DYNC2H1: variants seen among roughly 807,000 people sequenced by gnomAD.
The protein encoded by DYNC2H1 is cytoplasmic dynein 2 heavy chain 1.
Under a neutral mutation model 570.0 loss-of-function variants are expected in DYNC2H1, and 410 were observed. The ratio of observed to expected loss-of-function variants is 0.72; its 90% confidence interval spans 0.66 to 0.78. DYNC2H1 has a LOEUF of 0.78. Among genes scored for constraint, DYNC2H1 ranks in the 30% least tolerant of loss-of-function variants. DYNC2H1 has a pLI of 0.00. For synonymous variants in DYNC2H1, 1,688 were observed against 1,677.6 expected, an observed-to-expected ratio of 1.01 and a Z score of -0.15; for missense variants, 4,865 against 5,046.4, an observed-to-expected ratio of 0.96 and a Z score of 1.09.
At chr11:103,113,898 A>G (rs1858241135) in intron 2 of DYNC2H1, among the ~76,000 whole-genome samples, 191 bp downstream of exon 2, 1 of 152,242 alleles carries the variant, frequency 6.6e-6, no homozygotes, top group Admixed American at 6.5e-5. Flanking sequence ...GGAGAAAGGT[A>G]TAAAATGCAA....
chr11:103,313,172 T>C (rs936580120), intron 79 of DYNC2H1, among the ~76,000 whole-genome samples: 2 of 152,114 alleles, frequency 1.3e-5, no homozygotes, highest in African/African-American at 4.8e-5. Context: ...TGCCTTACCA[T>C]AGTCCAGAAG....
At chr11:103,152,031 A>G (rs1860573420) in intron 20 of DYNC2H1, 105 bp from the exon 21 acceptor site, 1 of 1,241,434 alleles carries the variant, frequency 8.1e-7, no homozygotes, top group African/African-American at 1.5e-5. Flanking sequence ...AAAAATCTTA[A>G]TTTAAAAAAT....
At chr11:103,345,174 G>A (rs968869834) in intron 82 of DYNC2H1, among the ~76,000 whole-genome samples, 2 of 151,900 alleles carry the variant, frequency 1.3e-5, no homozygotes, top group Admixed American at 6.6e-5. Context: ...ATTGTGGTTG[G>A]TTTGGCTGTT....
intron 85 of DYNC2H1, among the ~76,000 whole-genome samples, chr11:103,454,476 A>G (rs11225811): frequency 0.24 from 36,396 of 151,818 alleles, 4,531 homozygotes; most frequent in Admixed American, 0.33. Flanking sequence ...TTTGACCTTG[A>G]GCAAGACCCT....
chr11:103,199,616 A>G lies in DYNC2H1; in HGVS notation c.8088+140A>G, dbSNP rs1321766140. ...AAGAACTAAAGTTCTCTGTTATACA[A>G]TGTAGTCTTTATTTTAATTTAGATT... On this transcript the variant is annotated intron_variant, in intron 49 of 88. Transcript: ENST00000375735. This position sits in a 1 kb window ranked among gnomAD's most constrained non-coding sequence, Gnocchi z 4.6. 6.6e-6 allele frequency: 5 copies of G among 754,306 alleles called. No individual in the cohort carries two copies. The highest frequency in any genetic ancestry group is 9.5e-6 in the Non-Finnish European group (5 of 528,756). The allele number at this position is 754,306 out of a possible 1,614,324, so 46.7% of individuals were successfully genotyped here.
At position 103,259,929 on chromosome 11, in the gene DYNC2H1, C is replaced by T. The variant is rs201758605; in HGVS notation, c.10647C>T (p.Ser3549=). The part of the protein sequence containing the change: ...NTEQRIQSLI[S]SLQHMVYEYI... ...AACAGAGAATCCAGTCACTTATCAG[C>T]TCATTACAACATATGGTATATGAAT... is the stretch of plus-strand genomic sequence containing the variant. The change falls in exon 70 of 89, where the codon AGC becomes AGT. Residue 3549 remains serine (S), a synonymous_variant. Coordinates refer to ENST00000375735, the MANE Select transcript of DYNC2H1 (RefSeq NM_001377.3). The T allele has an allele frequency of 2.0e-5, 31 of 1,545,480 alleles. No homozygotes were observed. Among genetic ancestry groups the T allele is most frequent in the Non-Finnish European group, 2.6e-5 (30 of 1,144,604 alleles).
intron 88 of DYNC2H1, among the ~76,000 whole-genome samples, chr11:103,477,589 T>C (rs1162603977): frequency 6.6e-6 from 1 of 152,062 alleles, no homozygotes; most frequent in Non-Finnish European, 1.5e-5. Context: ...CCCAGCACTT[T>C]GGGAGGCCGA....
At chr11:103,379,322 A>G (rs2135574792) in intron 83 of DYNC2H1, among the ~76,000 whole-genome samples, 1 of 152,352 alleles carries the variant, frequency 6.6e-6, no homozygotes, top group South Asian at 2.1e-4. Flanking sequence ...CAAACACAAG[A>G]TTTGGAAGTG....
At chr11:103,143,498 C>A in intron 18 of DYNC2H1, 103 bp downstream of exon 18, 2 of 1,164,048 alleles carry the variant, frequency 1.7e-6, no homozygotes, top group Non-Finnish European at 2.3e-6. Context: ...CAGCTTCTTG[C>A]CTCCTCCAGA....
intron 87 of DYNC2H1, among the ~76,000 whole-genome samples, chr11:103,458,779 T>C (rs1944887885): frequency 6.6e-6 from 1 of 152,108 alleles, no homozygotes; most frequent in Admixed American, 6.5e-5. Flanking sequence ...AACCTTTTTT[T>C]GTATCACTAG....
Position 103,188,657 on chromosome 11 carries a change from CT to C in DYNC2H1, c.7292+12del. 1 of 1,514,090 alleles carries C rather than the reference CT, an allele frequency of 6.6e-7. No individual in the cohort carries two copies. The highest frequency in any genetic ancestry group is 8.9e-7 in the Non-Finnish European group (1 of 1,127,690). The allele number at this position is 1,514,090 out of a possible 1,614,324, so 93.8% of individuals were successfully genotyped here. On this transcript the variant is annotated intron_variant, in intron 44 of 88. Coordinates refer to ENST00000375735, the MANE Select transcript of DYNC2H1 (RefSeq NM_001377.3). Reference sequence around the variant, plus strand: ...CGTCTTTGTTCTATAGAGTATGTATCTTTGTGTTTCAGATTTTTTAATTTGG... The same window carrying C: ...CGTCTTTGTTCTATAGAGTATGTATCTTGTGTTTCAGATTTTTTAATTTGG...
In DYNC2H1 at chr11:103,245,488, C is replaced by A; in HGVS notation, c.10042+114C>A. 1 of 1,028,344 alleles carries A rather than the reference C, an allele frequency of 9.7e-7. No individual in the cohort carries two copies. The highest frequency in any genetic ancestry group is 1.4e-6 in the Non-Finnish European group (1 of 724,056). The allele number at this position is 1,028,344 out of a possible 1,614,324, so 63.7% of individuals were successfully genotyped here. On this transcript the variant is annotated intron_variant, in intron 65 of 88. Coordinates refer to ENST00000375735, the MANE Select transcript of DYNC2H1 (RefSeq NM_001377.3). The surrounding 1 kb of genome is among the most constrained non-coding windows in gnomAD (Gnocchi z 4.5). Reference sequence around the variant, plus strand: ...TTCCAGTGGAGTCACACATGATGGGCTTACTTCCTTCAGCAATATGTGTAA... The same window carrying A: ...TTCCAGTGGAGTCACACATGATGGGATTACTTCCTTCAGCAATATGTGTAA...
intron 70 of DYNC2H1, among the ~76,000 whole-genome samples, chr11:103,271,111 A>T (rs116041937): frequency 0.012 from 1,801 of 152,218 alleles, 38 homozygotes; most frequent in African/African-American, 0.04. Context: ...CTAACCTCAC[A>T]TGATTGTATT....
At position 103,181,964 on chromosome 11, in the gene DYNC2H1, T is replaced by TG; in HGVS notation, c.6477+80dup. 2 of 1,482,466 alleles carry TG rather than the reference T, an allele frequency of 1.3e-6. No individual in the cohort carries two copies. The highest frequency in any genetic ancestry group is 1.8e-6 in the Non-Finnish European group (2 of 1,095,684). 91.8% of individuals were successfully genotyped at this position (1,482,466 alleles called of 1,614,324 possible). ...AGTGATGCTTATTTTAACTTCCTTG[T>TG]GGTAGAACTCTGCTGGAATGTGGGT... On this transcript the variant is annotated intron_variant, in intron 40 of 88. Coordinates refer to ENST00000375735, the MANE Select transcript of DYNC2H1 (RefSeq NM_001377.3). This position sits in a 1 kb window ranked among gnomAD's most constrained non-coding sequence, Gnocchi z 5.0.
chr11:103,242,143 C>A (rs962708449), intron 63 of DYNC2H1, among the ~76,000 whole-genome samples: 1 of 151,968 alleles, frequency 6.6e-6, no homozygotes, highest in East Asian at 1.9e-4. Context: ...TGGGGTTATA[C>A]ATTTTTATAT....
At chr11:103,407,007 AT>A in intron 84 of DYNC2H1, 1 of 151,988 alleles carries the variant, frequency 6.6e-6, no homozygotes, top group East Asian at 1.9e-4. Context: ...AGTACAGGTT[AT>A]TGGAAAGGAT....
At chr11:103,393,072 CG>C (rs1253147515) in intron 83 of DYNC2H1, among the ~76,000 whole-genome samples, 1 of 148,998 alleles carries the variant, frequency 6.7e-6, no homozygotes, top group African/African-American at 2.5e-5. Context: ...TTAGTAGAGA[CG>C]GGGTTTCACC....
At chr11:103,165,794 C>T in intron 30 of DYNC2H1, 104 bp from the exon 31 acceptor site, 3 of 842,342 alleles carry the variant, frequency 3.6e-6, no homozygotes, top group Non-Finnish European at 5.2e-6. Flanking sequence ...TGGAGAGATC[C>T]AATATACAAT....
chr11:103,191,032 T>A (rs1434585425), intron 45 of DYNC2H1, among the ~76,000 whole-genome samples: 6 of 103,622 alleles, frequency 5.8e-5, no homozygotes, highest in African/African-American at 1.5e-4. Flanking sequence ...ATATATATTT[T>A]TTTTCTTTTT....
Sources: allele counts gnomAD v4.1 joint callset (sites outside exome capture counted in the v4.1 genomes callset), GRCh38; gene constraint gnomAD v4.1.1; non-coding constraint Gnocchi (gnomAD v3.1); transcripts MANE v1.5; gene names NCBI Gene and HGNC (gene_info 2026-07-23, HGNC 2026-07-21).